The following NUMA1 variants were observed in gnomAD, a reference collection of about 807,000 sequenced individuals.
The protein encoded by NUMA1 is SP-H antigen.
NUMA1 carries 62 observed loss-of-function variants against 237.1 expected under a neutral mutation model. The ratio of observed to expected loss-of-function variants is 0.26; its 90% confidence interval spans 0.21 to 0.32. The LOEUF is 0.32. NUMA1 is among the 10% of genes least tolerant of loss of function. NUMA1 has a pLI of 1.00. For synonymous variants in NUMA1, 1,028 were observed against 1,066.1 expected (o/e 0.96, Z 0.70); for missense variants, 2,533 against 2,666.5 (o/e 0.95, Z 1.10).
intron 2 of NUMA1, chr11:72,065,702 T>C (rs1236948007): frequency 6.6e-6 from 1 of 152,204 alleles, no homozygotes; most frequent in African/African-American, 2.4e-5. Context: ...TTCTGCCCTA[T>C]AATGAAAAGC....
chr11:72,005,575 G>T (rs1955630288), intron 22 of NUMA1: 1 of 563,074 alleles, frequency 1.8e-6, no homozygotes, highest in Non-Finnish European at 3.1e-6. Context: ...CCCTGGAGAG[G>T]GCAGAAGAGG....
intron 2 of NUMA1, among the ~76,000 whole-genome samples, chr11:72,039,437 A>T (rs1941416511): frequency 6.6e-6 from 1 of 152,190 alleles, no homozygotes; most frequent in African/African-American, 2.4e-5. Context: ...GGAACACCAG[A>T]CCTACCTCAA....
At chr11:72,012,836 G>A (rs538916948) in intron 15 of NUMA1, 59 bp downstream of exon 15, 26 of 1,571,888 alleles carry the variant, frequency 1.7e-5, no homozygotes, top group East Asian at 1.6e-4. Context: ...ACAGAGGATC[G>A]ATGTCCCCGC....
rs1565215061 is a variant in NUMA1, at chr11:72,015,495, G to A, written c.2008C>T (p.Gln670Ter). The A allele has an allele frequency of 1.2e-6, 2 of 1,613,008 alleles. No homozygotes were observed. Among genetic ancestry groups the A allele is most frequent in the Non-Finnish European group, 1.7e-6 (2 of 1,180,002 alleles). Residue 670 changes from glutamine to a stop codon, truncating the protein, a stop_gained, in exon 15 of 27, where the codon CAG (glutamine) becomes TAG (stop). Transcript: ENST00000393695. LOFTEE classifies it high-confidence loss of function. The surrounding 1 kb of genome is among the most constrained non-coding windows in gnomAD (Gnocchi z 4.0). ...ETARQEQHEA[Q>*]AQVAELELQL... ...AACTCTAGCTCTGCAACCTGGGCCT[G>A]GGCCTCATGCTGTTCCTGGCGGGCT...
Position 72,007,313 on chromosome 11 carries a change from G to A in NUMA1, c.5339C>T (p.Ala1780Val), listed in dbSNP as rs1431075231. 24 of 1,613,422 alleles carry A rather than the reference G, an allele frequency of 1.5e-5. No individual in the cohort carries two copies. Among genetic ancestry groups the A allele is most frequent in the Non-Finnish European group, 2.0e-5 (24 of 1,179,738 alleles). ...GCTCTCCAGGGGGGCCTGACTCCGA[G>A]CAGGGATGGGAGTGAAGTAGAGACT... The part of the protein sequence containing the change: ...LESLYFTPIP[A>V]RSQAPLESSL... Residue 1780 changes from alanine to valine, a missense_variant, in exon 21 of 27, where the codon GCT becomes GTT. Coordinates refer to ENST00000393695, the MANE Select transcript of NUMA1 (RefSeq NM_006185.4).
At chr11:72,060,259 C>T (rs1340067031) in intron 2 of NUMA1, among the ~76,000 whole-genome samples, 1 of 152,180 alleles carries the variant, frequency 6.6e-6, no homozygotes, top group African/African-American at 2.4e-5. Context: ...TCTATGGCTG[C>T]TTTTGTTCTC....
intron 13 of NUMA1, chr11:72,016,809 C>T (rs1029127290): frequency 3.4e-5 from 13 of 377,092 alleles, no homozygotes; most frequent in Admixed American, 1.3e-4. Context: ...TATACCCTTC[C>T]TCAGATAAGT....
chr11:72,078,444 C>T (rs1205968600), intron 1 of NUMA1, among the ~76,000 whole-genome samples: 1 of 152,244 alleles, frequency 6.6e-6, no homozygotes, highest in African/African-American at 2.4e-5. Flanking sequence ...ATCAATTAGA[C>T]ACAGCTGTCC....
intron 1 of NUMA1, among the ~76,000 whole-genome samples, chr11:72,071,404 CAAG>C (rs1182364203): frequency 6.6e-6 from 1 of 152,132 alleles, no homozygotes; most frequent in Non-Finnish European, 1.5e-5. Context: ...TGAATCTAAT[CAAG>C]AAGAATCAGA....
chr11:72,005,307 G>A lies in NUMA1; in HGVS notation c.5755C>T (p.Arg1919Cys), dbSNP rs1038068846. ...DEPEQLDDWN[R>C]IAELQQRNRV... ...TTGCGCTGCTGCAGCTCTGCAATGCGGTTCCAGTCATCCAGCTGCTCAGGC... is the reference window on the plus strand; with the variant it reads ...TTGCGCTGCTGCAGCTCTGCAATGCAGTTCCAGTCATCCAGCTGCTCAGGC... The change falls in exon 23 of 27, where the codon CGC becomes TGC. Residue 1919 changes from arginine to cysteine, a missense_variant. Arg to Cys is a radical substitution (Grantham distance 180, BLOSUM62 -3). Coordinates refer to ENST00000393695, the MANE Select transcript of NUMA1 (RefSeq NM_006185.4). 1.1e-5 allele frequency: 18 copies of A among 1,608,458 alleles called. No individual in the cohort carries two copies. Among genetic ancestry groups the A allele is most frequent in the Admixed American group, 6.7e-5 (4 of 59,316 alleles).
intron 13 of NUMA1, chr11:72,017,441 G>A: frequency 1.9e-6 from 1 of 538,594 alleles, no homozygotes; most frequent in Admixed American, 3.1e-5. Context: ...TCCACATCTT[G>A]TGAACAGCAG....
chr11:72,007,156 G>T, intron 21 of NUMA1, 33 bp downstream of exon 21: 1 of 1,599,636 alleles, frequency 6.3e-7, no homozygotes, highest in Non-Finnish European at 8.5e-7. Flanking sequence ...AGTGGGAATT[G>T]CTGCCCTGCA....
intron 4 of NUMA1, among the ~76,000 whole-genome samples, chr11:72,026,106 CA>C (rs1232297491): frequency 6.6e-6 from 1 of 152,222 alleles, no homozygotes; most frequent in African/African-American, 2.4e-5. Context: ...CCACCCCCTA[CA>C]AAGCCTGGTG....
rs59248999 is a variant in NUMA1, at chr11:72,056,635, TAAAAA to T, written c.-33+13202_-33+13206del. 5.0e-4 allele frequency among the ~76,000 whole-genome samples: 38 copies of T among 76,006 alleles called. 1 individual carries two copies. The highest frequency in any genetic ancestry group is 2.1e-3 in the African/African-American group (33 of 15,430). The allele number at this position is 76,006 out of a possible 152,430, so 49.9% of individuals were successfully genotyped here. A position where few individuals can be genotyped will look rare whatever the true frequency, so the allele number is the denominator to read the frequency against. On this transcript the variant is annotated intron_variant, in intron 2 of 26. Transcript: ENST00000393695. The stretch of plus-strand genomic sequence containing the variant: ...GCGCCTGACCAAGATCCCATCTCTT[TAAAAA>T]AAAAAAAAAAAAAAAAAAAAGGCAA...
At chr11:72,007,082 G>A in intron 21 of NUMA1, 107 bp downstream of exon 21, 1 of 1,349,508 alleles carries the variant, frequency 7.4e-7, no homozygotes, top group Non-Finnish European at 1.0e-6. Flanking sequence ...CTGTAACATG[G>A]ACTGGCTGCT....
chr11:72,013,622 A>T lies in NUMA1; in HGVS notation c.3881T>A (p.Val1294Glu). The change falls in exon 15 of 27, where the codon GTG becomes GAG. Residue 1294 changes from valine to glutamate, a missense_variant. Val to Glu is a moderately radical substitution (Grantham distance 121). Transcript: ENST00000393695. The surrounding 1 kb of genome is among the most constrained non-coding windows in gnomAD (Gnocchi z 6.8). ...AERSSALREE[V>E]QSLREEAEKQ... ...CTCAGCCTCCTCCCGGAGGCTCTGC[A>T]CCTCCTCCCGCAGAGCAGAGCTGCG... The T allele has an allele frequency of 6.2e-7, 1 of 1,610,066 alleles. No individual in the cohort carries two copies. Among genetic ancestry groups the T allele is most frequent in the Non-Finnish European group, 8.5e-7 (1 of 1,179,814 alleles).
chr11:72,007,128 A>T, intron 21 of NUMA1, 61 bp downstream of exon 21: 1 of 1,587,604 alleles, frequency 6.3e-7, no homozygotes, highest in Non-Finnish European at 8.5e-7. Flanking sequence ...GCCCAGTGCA[A>T]AGATGCCCTT....
chr11:72,065,148 T>C lies in NUMA1; in HGVS notation c.-33+4694A>G, dbSNP rs375498876. On this transcript the variant is annotated intron_variant, in intron 2 of 26. Coordinates refer to ENST00000393695, the MANE Select transcript of NUMA1 (RefSeq NM_006185.4). Reference sequence around the variant, plus strand: ...TCATATTGTTTAATCTAGTAATCTATTTGTAGATATGTATCATAAGAAAAT... The same window carrying C: ...TCATATTGTTTAATCTAGTAATCTACTTGTAGATATGTATCATAAGAAAAT... 1.2e-4 allele frequency: 18 copies of C among 152,188 alleles called. 1 individual carries two copies. In the East Asian group the frequency reaches 1.3e-3, roughly 11 times the overall value. 9.4% of individuals were successfully genotyped at this position (152,188 alleles called of 1,614,324 possible). A position where few individuals can be genotyped will look rare whatever the true frequency, so the allele number is the denominator to read the frequency against.
At position 72,015,852 on chromosome 11, in the gene NUMA1, G is replaced by A. The variant is rs1300923395; in HGVS notation, c.1651C>T (p.His551Tyr). The change falls in exon 15 of 27, where the codon CAC (histidine) becomes TAC (tyrosine). Residue 551 changes from histidine to tyrosine, a missense_variant. By Grantham distance (83) the His-to-Tyr change is moderately conservative. This residue lies in a region of NUMA1 where 1,414 missense variants were observed against 1,508.1 expected (regional missense o/e 0.94). Transcript: ENST00000393695. This position sits in a 1 kb window ranked among gnomAD's most constrained non-coding sequence, Gnocchi z 4.0. Reference sequence around the variant, plus strand: ...CTACTGCTTAGCTGCTCCACCTGGTGGCGGAGGCCCTGGGAGGCCTGTTCT... The same window carrying A: ...CTACTGCTTAGCTGCTCCACCTGGTAGCGGAGGCCCTGGGAGGCCTGTTCT... ...QQEQASQGLR[H>Y]QVEQLSSSLK... 1.2e-6 allele frequency: 2 copies of A among 1,614,070 alleles called. No individual in the cohort carries two copies. Among genetic ancestry groups the A allele is most frequent in the African/African-American group, 1.3e-5 (1 of 74,952 alleles).
Sources: allele counts gnomAD v4.1 joint callset (sites outside exome capture counted in the v4.1 genomes callset), GRCh38; gene constraint gnomAD v4.1.1; regional missense constraint gnomAD v4.1.1; non-coding constraint Gnocchi (gnomAD v3.1); transcripts MANE v1.5; gene names NCBI Gene and HGNC (gene_info 2026-07-23, HGNC 2026-07-21).